The following TRMT112 variants were observed in gnomAD, a reference collection of about 807,000 sequenced individuals.
TRMT112 encodes tRNA methyltransferase activator subunit 11-2.
A neutral mutation model predicts 13.8 loss-of-function variants in TRMT112; 9 were observed. That is an observed-to-expected ratio of 0.65 (90% confidence interval 0.39 to 1.14). TRMT112 has a LOEUF of 1.14. Ranked by LOEUF, TRMT112 falls within the 50% of genes most tolerant of loss-of-function variation. The pLI is 0.01. For synonymous variants in TRMT112, 64 were observed against 67.0 expected (o/e 0.96, Z 0.22); for missense variants, 196 against 165.5 (o/e 1.18, Z -1.01).
In TRMT112 at chr11:64,316,775, G is replaced by A; in HGVS notation, c.*86C>T. On this transcript the variant is annotated 3_prime_UTR_variant, in exon 4 of 4. Coordinates refer to ENST00000544844, the MANE Select transcript of TRMT112 (RefSeq NM_016404.3). ...GTTTGGTGTCATTGGGTCAAGGGTT[G>A]GGGATACACACGGCAGAATTCGGAA... 1.2e-6 allele frequency: 1 copy of A among 860,382 alleles called. No individual in the cohort carries two copies. Among genetic ancestry groups the A allele is most frequent in the South Asian group, 1.4e-5 (1 of 72,978 alleles). 53.3% of individuals were successfully genotyped at this position (860,382 alleles called of 1,614,324 possible).
chr11:64,318,437 T>A, upstream of TRMT112: 1 of 1,550,608 alleles, frequency 6.4e-7, no homozygotes. Flanking sequence ...CCCATGGCAA[T>A]CCCCGTCCCG....
chr11:64,318,340 G>T (rs1412335355), upstream of TRMT112: 4 of 1,612,348 alleles, frequency 2.5e-6, no homozygotes, highest in Non-Finnish European at 2.5e-6. Context: ...GCGTCTGGCG[G>T]GGTCCGCAGT....
intron 2 of TRMT112, 23 bp downstream of exon 2, chr11:64,317,241 T>G (rs371534481): frequency 1.2e-6 from 2 of 1,607,634 alleles, no homozygotes; most frequent in African/African-American, 2.7e-5. Flanking sequence ...CGGGATATGC[T>G]GGGGCGGGGT....
Position 64,317,559 on chromosome 11 carries a change from G to T in TRMT112, c.-33C>A. On this transcript the variant is annotated 5_prime_UTR_variant, in exon 1 of 4. Coordinates refer to ENST00000544844, the MANE Select transcript of TRMT112 (RefSeq NM_016404.3). ...CACAAACTCTCGCCAGGCCGGAACCGGAAAAAGGTCGTCCTCCGCTGCCTC... is the reference window on the plus strand; with the variant it reads ...CACAAACTCTCGCCAGGCCGGAACCTGAAAAAGGTCGTCCTCCGCTGCCTC... The T allele has an allele frequency of 6.6e-7, 1 of 1,509,336 alleles. No homozygotes were observed. Among genetic ancestry groups the T allele is most frequent in the Non-Finnish European group, 8.9e-7 (1 of 1,119,936 alleles). The allele number at this position is 1,509,336 out of a possible 1,614,324, so 93.5% of individuals were successfully genotyped here.
In TRMT112 at chr11:64,316,947, G is replaced by A. The variant is rs2035293242; in HGVS notation, c.292C>T (p.Leu98=). 6.2e-7 allele frequency: 1 copy of A among 1,611,766 alleles called. No individual in the cohort carries two copies. The highest frequency in any genetic ancestry group is 8.5e-7 in the Non-Finnish European group (1 of 1,177,858). The change falls in exon 4 of 4, where the codon CTG becomes TTG. Residue 98 remains leucine, a synonymous_variant. Coordinates refer to ENST00000544844, the MANE Select transcript of TRMT112 (RefSeq NM_016404.3). ...LLEVEVIEGT[L]QCPESGRMFP... ...ATACGTCCAGATTCCGGGCACTGCA[G>A]GGTGCCCTCTATCACTTCCACCTGC... is the stretch of plus-strand genomic sequence containing the variant.
chr11:64,318,016 T>C, upstream of TRMT112: 1 of 1,412,730 alleles, frequency 7.1e-7, no homozygotes, highest in South Asian at 1.5e-5. Flanking sequence ...CCATTTGTAG[T>C]TGCGTCGGCT....
At chr11:64,318,034 A>T, upstream of TRMT112, 1 of 1,431,040 alleles carries the variant, frequency 7.0e-7, no homozygotes. Context: ...GCTGTCCAGC[A>T]CCCAGTGCAA....
upstream of TRMT112, chr11:64,318,405 G>A (rs1179716661): frequency 1.9e-6 from 3 of 1,592,832 alleles, no homozygotes; most frequent in Non-Finnish European, 1.7e-6. Flanking sequence ...TGGCCCGGCC[G>A]GGCCTGACAT....
upstream of TRMT112, chr11:64,317,756 A>C (rs2035344165): frequency 7.9e-6 from 6 of 762,162 alleles, 1 homozygote; most frequent in South Asian, 1.1e-4. Context: ...GCGCACGCCC[A>C]GCTTTTTTTT....
At chr11:64,318,415 T>TC (rs1163034370), upstream of TRMT112, 1 of 1,584,214 alleles carries the variant, frequency 6.3e-7, no homozygotes, top group Non-Finnish European at 8.6e-7. Flanking sequence ...GGGCCTGACA[T>TC]CCCCCACTAC....
upstream of TRMT112, chr11:64,318,354 A>C (rs1022265075): frequency 6.2e-7 from 1 of 1,611,128 alleles, no homozygotes; most frequent in African/African-American, 1.3e-5. Flanking sequence ...CCGCAGTTTC[A>C]GCAGAGCCGC....
In TRMT112 at chr11:64,316,593, G is replaced by A. The variant is rs369242666; in HGVS notation, c.*268C>T. 1 of 427,510 alleles carries A rather than the reference G, an allele frequency of 2.3e-6. No individual in the cohort carries two copies. The highest frequency in any genetic ancestry group is 4.0e-5 in the Admixed American group (1 of 25,232). 26.5% of individuals were successfully genotyped at this position (427,510 alleles called of 1,614,324 possible). ...AACACTATATTTATTTTTGGGTTTG[G>A]CCAGGGAGGCGCAGGGACATGGGGC... On this transcript the variant is annotated 3_prime_UTR_variant, in exon 4 of 4. Transcript: ENST00000544844.
At chr11:64,317,694 C>A, upstream of TRMT112, 1 of 810,786 alleles carries the variant, frequency 1.2e-6, no homozygotes, top group Non-Finnish European at 1.9e-6. Flanking sequence ...AGGTGAAAGA[C>A]CTGTCGGGTC....
upstream of TRMT112, chr11:64,317,673 C>T: frequency 1.1e-6 from 1 of 945,800 alleles, no homozygotes; most frequent in Non-Finnish European, 1.6e-6. Context: ...TTTGTGGGAG[C>T]TGAGGTAGGT....
Position 64,317,371 on chromosome 11 carries a change from G to C in TRMT112, c.79-6C>G, listed in dbSNP as rs1304483156. ...CAGATACGGACCTCGGTGGCCTGCA[G>C]GGCGGAGGAGTTTAGGCAAGCACTG... On this transcript the variant is annotated splice_polypyrimidine_tract_variant and splice_region_variant and intron_variant, in intron 1 of 3. Coordinates refer to ENST00000544844, the MANE Select transcript of TRMT112 (RefSeq NM_016404.3). 5.0e-6 allele frequency: 8 copies of C among 1,614,174 alleles called. No homozygotes were observed. Among genetic ancestry groups the C allele is most frequent in the African/African-American group, 4.0e-5 (3 of 75,046 alleles).
rs779014263 is a variant in TRMT112, at chr11:64,317,238, T to C, written c.180+26A>G. On this transcript the variant is annotated intron_variant, in intron 2 of 3. Transcript: ENST00000544844. ...TGCCCGCCCCGCATTCCCCGGGATATGCTGGGGCGGGGTAAGGATCCTCAC... is the reference window on the plus strand; with the variant it reads ...TGCCCGCCCCGCATTCCCCGGGATACGCTGGGGCGGGGTAAGGATCCTCAC... The C allele has an allele frequency of 3.7e-6, 6 of 1,607,970 alleles. No individual in the cohort carries two copies. The South Asian group carries it at 4.4e-5, about 12-fold the overall frequency.
chr11:64,317,300 T>C lies in TRMT112; in HGVS notation c.144A>G (p.Lys48=), dbSNP rs1373614482. 1.9e-6 allele frequency: 3 copies of C among 1,613,852 alleles called. No individual in the cohort carries two copies. In the African/African-American group the frequency reaches 4.0e-5, roughly 22 times the overall value. ...NPNFVARMIP[K]VEWSAFLEAA... is the part of the protein sequence containing the mutation. ...CCTCCAGGAACGCCGACCACTCCAC[T>C]TTAGGTATCATACGCGCCACGAAGT... The change falls in exon 2 of 4, where the codon AAA becomes AAG. Residue 48 remains lysine, a synonymous_variant. Transcript: ENST00000544844.
rs1226241037 is a variant in TRMT112, at chr11:64,316,765, G to A, written c.*96C>T. 2 of 814,416 alleles carry A rather than the reference G, an allele frequency of 2.5e-6. No individual in the cohort carries two copies. The highest frequency in any genetic ancestry group is 4.3e-6 in the Non-Finnish European group (2 of 466,976). 50.4% of individuals were successfully genotyped at this position (814,416 alleles called of 1,614,324 possible). On this transcript the variant is annotated 3_prime_UTR_variant, in exon 4 of 4. Transcript: ENST00000544844. ...AAAACACTGTGTTTGGTGTCATTGG[G>A]TCAAGGGTTGGGGATACACACGGCA...
Position 64,316,746 on chromosome 11 carries a change from C to G in TRMT112, c.*115G>C. On this transcript the variant is annotated 3_prime_UTR_variant, in exon 4 of 4. Coordinates refer to ENST00000544844, the MANE Select transcript of TRMT112 (RefSeq NM_016404.3). ...ATATATAATACCGAGCTCAAAAACA[C>G]TGTGTTTGGTGTCATTGGGTCAAGG... 1.4e-6 allele frequency: 1 copy of G among 719,402 alleles called. No homozygotes were observed. Among genetic ancestry groups the G allele is most frequent in the Non-Finnish European group, 2.5e-6 (1 of 404,814 alleles). 44.6% of individuals were successfully genotyped at this position (719,402 alleles called of 1,614,324 possible).
Sources: gnomAD v4.1 joint callset for allele counts on GRCh38, gnomAD v4.1.1 for gene constraint, MANE v1.5 for transcripts, NCBI Gene and HGNC (gene_info 2026-07-23, HGNC 2026-07-21) for gene names.